The following CSMD3 variants were observed in gnomAD, a reference collection of about 807,000 sequenced individuals.
The protein encoded by CSMD3 is CUB and Sushi multiple domains 3, also known as CUB and sushi domain-containing protein 3.
Under a neutral mutation model 435.2 loss-of-function variants are expected in CSMD3, and 177 were observed. That is an observed-to-expected ratio of 0.41 (90% confidence interval 0.36 to 0.46). The LOEUF (loss-of-function observed/expected upper bound fraction) is 0.46. CSMD3 is among the 20% of genes least tolerant of loss of function. The pLI is 0.34. For synonymous variants in CSMD3, 1,656 were observed against 1,520.5 expected, an observed-to-expected ratio of 1.09 and a Z score of -2.07; for missense variants, 4,265 against 4,504.6, an observed-to-expected ratio of 0.95 and a Z score of 1.52.
chr8:112,410,592 A>G (rs1289598737), intron 32 of CSMD3, among the ~76,000 whole-genome samples: 23 of 108,020 alleles, frequency 2.1e-4, no homozygotes, highest in Admixed American at 5.9e-4. Context: ...ATACATATGT[A>G]TATATATATG....
Position 113,086,643 on chromosome 8 carries a change from T to A in CSMD3, c.917+12113A>T, listed in dbSNP as rs923173469. Among the ~76,000 whole-genome samples the A allele has an allele frequency of 2.0e-5, 3 of 152,332 alleles. No homozygotes were observed. The East Asian group carries it at 5.8e-4, about 29-fold the overall frequency. ...TTTCATCAGGCATATCTACTGAGTA[T>A]AACAGTGCTGAGTTTGGCTTTACGT... On this transcript the variant is annotated intron_variant, in intron 5 of 70. Coordinates refer to ENST00000297405, the MANE Select transcript of CSMD3 (RefSeq NM_198123.2).
At chr8:113,092,759 C>G (rs1588058453) in intron 5 of CSMD3, among the ~76,000 whole-genome samples, 1 of 151,932 alleles carries the variant, frequency 6.6e-6, no homozygotes, top group East Asian at 1.9e-4. Flanking sequence ...TAAATGGATC[C>G]TGAGTGTTTG....
At chr8:113,376,832 G>T in intron 1 of CSMD3, 1 of 1,613,032 alleles carries the variant, frequency 6.2e-7, no homozygotes. Flanking sequence ...TTTATGAGTC[G>T]CAACAACCGG....
At chr8:112,692,965 CTAT>C (rs2131838475) in intron 13 of CSMD3, among the ~76,000 whole-genome samples, 1 of 143,070 alleles carries the variant, frequency 7.0e-6, no homozygotes, top group African/African-American at 2.6e-5. Flanking sequence ...ATCTATCTAT[CTAT>C]CTATCGAGAG....
At chr8:112,521,948 A>G (rs907150690) in intron 27 of CSMD3, among the ~76,000 whole-genome samples, 19 of 151,926 alleles carry the variant, frequency 1.3e-4, no homozygotes, top group African/African-American at 4.3e-4. Flanking sequence ...AAATTGTTCA[A>G]AATAGAAGGT....
intron 3 of CSMD3, among the ~76,000 whole-genome samples, chr8:113,190,671 A>G (rs984367547): frequency 6.8e-6 from 1 of 147,622 alleles, no homozygotes; most frequent in Non-Finnish European, 1.5e-5. Flanking sequence ...GGTGGAAAAG[A>G]AAGATTTACT....
chr8:112,353,281 T>C (rs903288590), intron 38 of CSMD3, among the ~76,000 whole-genome samples: 3 of 152,000 alleles, frequency 2.0e-5, no homozygotes, highest in Non-Finnish European at 4.4e-5. Context: ...TCCCAGCTAC[T>C]TGGGAGGCTA....
At chr8:112,404,524 TAAAA>T (rs774206413) in intron 35 of CSMD3, among the ~76,000 whole-genome samples, 1 of 138,642 alleles carries the variant, frequency 7.2e-6, no homozygotes, top group Non-Finnish European at 1.6e-5. Flanking sequence ...TGAGACTCCA[TAAAA>T]AAAAAAAAAA....
At chr8:112,257,863 C>T (rs750962161) in intron 61 of CSMD3, among the ~76,000 whole-genome samples, 2 of 152,152 alleles carry the variant, frequency 1.3e-5, no homozygotes, top group East Asian at 1.9e-4. Flanking sequence ...AGGCATCACG[C>T]TACCTGACTT....
At chr8:113,175,485 G>A (rs2092334308) in intron 3 of CSMD3, among the ~76,000 whole-genome samples, 1 of 151,848 alleles carries the variant, frequency 6.6e-6, no homozygotes, top group African/African-American at 2.4e-5. Flanking sequence ...TTTAGTGTCA[G>A]TAATGAAAGT....
In CSMD3 at chr8:112,829,070, T is replaced by C. The variant is rs371250284; in HGVS notation, c.1859+616A>G. ...AAAAGAAAAAAAAAGGAAAAAAAAA[T>C]AGCTTACCTTTAGTCAATTTACATA... On this transcript the variant is annotated intron_variant, in intron 12 of 70. Coordinates refer to ENST00000297405, the MANE Select transcript of CSMD3 (RefSeq NM_198123.2). 7.3e-5 allele frequency among the ~76,000 whole-genome samples: 11 copies of C among 151,486 alleles called. No homozygotes were observed. The East Asian group carries it at 2.1e-3, about 30-fold the overall frequency.
At chr8:112,448,498 A>G (rs1815882129) in intron 32 of CSMD3, among the ~76,000 whole-genome samples, 1 of 152,176 alleles carries the variant, frequency 6.6e-6, no homozygotes, top group African/African-American at 2.4e-5. Flanking sequence ...GGCAGTAATT[A>G]AAGTGATACA....
intron 10 of CSMD3, among the ~76,000 whole-genome samples, chr8:112,900,355 G>A (rs1294002830): frequency 1.3e-5 from 2 of 151,288 alleles, no homozygotes; most frequent in African/African-American, 4.8e-5. Flanking sequence ...AATTTTGGAA[G>A]ATGAGATGTG....
intron 13 of CSMD3, among the ~76,000 whole-genome samples, chr8:112,744,502 T>C (rs1054387224): frequency 6.6e-6 from 1 of 152,094 alleles, no homozygotes; most frequent in Non-Finnish European, 1.5e-5. Flanking sequence ...TAATATAAAA[T>C]ACCTATTTTA....
chr8:112,852,126 G>A (rs938283307), intron 11 of CSMD3, among the ~76,000 whole-genome samples: 4 of 152,168 alleles, frequency 2.6e-5, no homozygotes, highest in African/African-American at 7.2e-5. Flanking sequence ...AAAGGGACTA[G>A]TGATGACAAG....
At position 112,645,117 on chromosome 8, in the gene CSMD3, T is replaced by G. The variant is rs1183159243; in HGVS notation, c.3302A>C (p.His1101Pro). Residue 1101 changes from histidine to proline, a missense_variant, in exon 20 of 71, where the codon CAT (histidine) becomes CCT (proline). Transcript: ENST00000297405. ...LNCTWTVDVT[H>P]GKGVQFNFHT... ...TTCATGAGGCAAATTACCTTTTCCA[T>G]GGGTTACATCAACAGTCCATGTACA... is the stretch of plus-strand genomic sequence containing the variant. 1 of 1,515,302 alleles carries G rather than the reference T, an allele frequency of 6.6e-7. No homozygotes were observed. The highest frequency in any genetic ancestry group is 1.1e-5 in the South Asian group (1 of 89,184). The allele number at this position is 1,515,302 out of a possible 1,614,324, so 93.9% of individuals were successfully genotyped here.
intron 6 of CSMD3, among the ~76,000 whole-genome samples, chr8:112,992,563 G>A (rs142821016): frequency 0.014 from 2,059 of 151,820 alleles, 16 homozygotes; most frequent in Middle Eastern, 0.041. Flanking sequence ...AACTTTCCAC[G>A]CAGAATGAAG....
At chr8:112,289,136 A>T (rs1210858584) in intron 57 of CSMD3, among the ~76,000 whole-genome samples, 23 of 152,128 alleles carry the variant, frequency 1.5e-4, no homozygotes, top group Admixed American at 1.5e-3. Flanking sequence ...TTAGCAACAC[A>T]GTTCAAAACA....
chr8:112,286,692 G>A (rs1045206203), intron 58 of CSMD3, among the ~76,000 whole-genome samples: 3 of 152,128 alleles, frequency 2.0e-5, no homozygotes, highest in African/African-American at 7.2e-5. Context: ...GAAATAAAGG[G>A]TTAGGTAGTA....
Sources: allele counts gnomAD v4.1 joint callset (sites outside exome capture counted in the v4.1 genomes callset), GRCh38; gene constraint gnomAD v4.1.1; transcripts MANE v1.5; gene names NCBI Gene and HGNC (gene_info 2026-07-23, HGNC 2026-07-21).